USP13: variants seen among roughly 807,000 people sequenced by gnomAD.
USP13 encodes ubiquitin specific peptidase 13.
Under a neutral mutation model 107.8 loss-of-function variants are expected in USP13, and 68 were observed. The ratio of observed to expected loss-of-function variants is 0.63; its 90% CI spans 0.52 to 0.77. The LOEUF is 0.77. USP13 is among the 30% of genes least tolerant of loss of function. The probability of loss-of-function intolerance (pLI) is 0.00; values close to 1 mark genes in which losing one functional copy is unlikely to be tolerated. For synonymous variants in USP13, 377 were observed against 389.5 expected (o/e 0.97, Z 0.38); for missense variants, 945 against 1,093.3 (o/e 0.86, Z 1.91).
intron 1 of USP13, among the ~76,000 whole-genome samples, chr3:179,661,859 G>A (rs532632824): frequency 1.4e-4 from 21 of 152,282 alleles, no homozygotes; most frequent in African/African-American, 3.9e-4. Context: ...AGAAGGAGAA[G>A]CCACTTTGCT....
In USP13 at chr3:179,721,568, G is replaced by C; in HGVS notation, c.1067G>C (p.Ser356Thr). ...YLSSVMQAIF[S>T]IPEFQRAYVG... ...AGCTCTGTCATGCAGGCCATCTTCAGCATCCCAGAATTCCAGAGAGCGTAA... is the reference window on the plus strand; with the variant it reads ...AGCTCTGTCATGCAGGCCATCTTCACCATCCCAGAATTCCAGAGAGCGTAA... Residue 356 changes from serine (S) to threonine (T), a missense_variant, in exon 8 of 21, where the codon AGC (serine) becomes ACC (threonine). Transcript: ENST00000263966. The surrounding 1 kb of genome is among the most constrained non-coding windows in gnomAD (Gnocchi z 4.3). 5.6e-6 allele frequency: 9 copies of C among 1,613,652 alleles called. No individual in the cohort carries two copies. The highest frequency in any genetic ancestry group is 7.6e-6 in the Non-Finnish European group (9 of 1,179,996).
At chr3:179,748,551 C>T (rs973322914) in intron 13 of USP13, among the ~76,000 whole-genome samples, 1 of 152,110 alleles carries the variant, frequency 6.6e-6, no homozygotes, top group Non-Finnish European at 1.5e-5. Flanking sequence ...GCCTTAAGAC[C>T]CTTCTCTTAA....
At chr3:179,743,041 CA>C (rs1714257371) in intron 12 of USP13, among the ~76,000 whole-genome samples, 1 of 152,168 alleles carries the variant, frequency 6.6e-6, no homozygotes, top group Non-Finnish European at 1.5e-5. Context: ...GTGAACTAGT[CA>C]TTTTTGTAAA....
chr3:179,656,813 C>T (rs975283496), intron 1 of USP13, among the ~76,000 whole-genome samples: 13 of 152,182 alleles, frequency 8.5e-5, no homozygotes, highest in African/African-American at 3.1e-4. Flanking sequence ...TGCGACCTTC[C>T]TGGAGAGTGG....
At chr3:179,716,595 A>G (rs1713121696) in intron 6 of USP13, among the ~76,000 whole-genome samples, 1 of 152,252 alleles carries the variant, frequency 6.6e-6, no homozygotes, top group Non-Finnish European at 1.5e-5. Context: ...ACTTAACAGC[A>G]TAGTCCTAAT....
At chr3:179,757,206 C>G in intron 16 of USP13, 128 bp downstream of exon 16, 3 of 1,053,238 alleles carry the variant, frequency 2.8e-6, no homozygotes, top group Non-Finnish European at 4.3e-6. Context: ...CAGGTGGGAA[C>G]GGCTCTGTGT....
chr3:179,771,689 T>G (rs1000046939), intron 19 of USP13, among the ~76,000 whole-genome samples: 3 of 152,230 alleles, frequency 2.0e-5, no homozygotes, highest in African/African-American at 7.2e-5. Flanking sequence ...TCACACCAGG[T>G]TAACACTGAA....
At position 179,681,895 on chromosome 3, in the gene USP13, C is replaced by T. The variant is rs369204855; in HGVS notation, c.186C>T (p.Leu62=). Residue 62 remains leucine, a synonymous_variant, in exon 2 of 21, where the codon CTC becomes CTT. Transcript: ENST00000263966. ...SYDSPNSEGG[L]YVCMNTFLAF... ...TCTTCTAGAATTCTGAAGGTGGACTCTATGTATGCATGAATACATTTTTGG... is the reference window on the plus strand; with the variant it reads ...TCTTCTAGAATTCTGAAGGTGGACTTTATGTATGCATGAATACATTTTTGG... 3 of 1,613,126 alleles carry T rather than the reference C, an allele frequency of 1.9e-6. No individual in the cohort carries two copies. Among genetic ancestry groups the T allele is most frequent in the Non-Finnish European group, 2.5e-6 (3 of 1,179,540 alleles).
intron 3 of USP13, among the ~76,000 whole-genome samples, chr3:179,699,420 A>G (rs1247272224): frequency 6.6e-6 from 1 of 152,170 alleles, no homozygotes; most frequent in Non-Finnish European, 1.5e-5. Context: ...ATCTTTTATT[A>G]AAACATTGAA....
chr3:179,654,763 A>G (rs1235889806), intron 1 of USP13, among the ~76,000 whole-genome samples: 1 of 152,180 alleles, frequency 6.6e-6, no homozygotes, highest in Non-Finnish European at 1.5e-5. Flanking sequence ...CAACATTTCC[A>G]AAGTTTCCTT....
chr3:179,777,187 A>G (rs1576995485), intron 19 of USP13, among the ~76,000 whole-genome samples: 2 of 152,246 alleles, frequency 1.3e-5, no homozygotes, highest in African/African-American at 4.8e-5. Flanking sequence ...TTTTTAAACA[A>G]AGAGAGGAAA....
Position 179,708,611 on chromosome 3 carries a change from C to T in USP13, c.621-162C>T, listed in dbSNP as rs549611935. ...GGTTACAGGCGTGAACCACCACGCCCGGCCAACAATGTCTTGAGGGGAGAA... is the reference window on the plus strand; with the variant it reads ...GGTTACAGGCGTGAACCACCACGCCTGGCCAACAATGTCTTGAGGGGAGAA... On this transcript the variant is annotated intron_variant, in intron 5 of 20. Transcript: ENST00000263966. Among the ~76,000 whole-genome samples, 162 of 152,292 alleles carry T rather than the reference C, an allele frequency of 1.1e-3. 1 individual carries two copies. Among genetic ancestry groups the T allele is most frequent in the Non-Finnish European group, 7.2e-4 (49 of 68,028 alleles).
chr3:179,728,426 C>T (rs1713651395), intron 8 of USP13, among the ~76,000 whole-genome samples: 2 of 150,178 alleles, frequency 1.3e-5, no homozygotes, highest in South Asian at 2.1e-4. Context: ...GATGTGATGG[C>T]GGCCGGGAAG....
At chr3:179,694,210 A>AACTCCG (rs1437534873) in intron 3 of USP13, among the ~76,000 whole-genome samples, 2 of 151,016 alleles carry the variant, frequency 1.3e-5, no homozygotes, top group African/African-American at 4.9e-5. Flanking sequence ...CCGGGGCTCA[A>AACTCCG]GTGATCTGCC....
intron 12 of USP13, among the ~76,000 whole-genome samples, chr3:179,743,345 C>T (rs1182204412): frequency 2.0e-5 from 3 of 149,714 alleles, no homozygotes; most frequent in Non-Finnish European, 4.4e-5. Flanking sequence ...CAGACCTGCA[C>T]GTTCTACACA....
In USP13 at chr3:179,653,319, A is replaced by G; in HGVS notation, c.94A>G (p.Met32Val). The G allele has an allele frequency of 6.3e-7, 1 of 1,578,710 alleles. No homozygotes were observed. Among genetic ancestry groups the G allele is most frequent in the Non-Finnish European group, 8.6e-7 (1 of 1,162,800 alleles). Reference sequence around the variant, plus strand: ...CATCGGCGAGCTGCTAGTGCCCCACATGCCCACGATCCGCGTGCCCAGGTC... The same window carrying G: ...CATCGGCGAGCTGCTAGTGCCCCACGTGCCCACGATCCGCGTGCCCAGGTC... The part of the protein sequence containing the change: ...GDIGELLVPH[M>V]PTIRVPRSGD... Residue 32 changes from methionine (M) to valine (V), a missense_variant, in exon 1 of 21, where the codon ATG (methionine) becomes GTG (valine). By Grantham distance (21) the Met-to-Val change is conservative. Transcript: ENST00000263966. This position sits in a 1 kb window ranked among gnomAD's most constrained non-coding sequence, Gnocchi z 4.0.
intron 3 of USP13, among the ~76,000 whole-genome samples, chr3:179,693,732 G>C (rs1712188909): frequency 6.6e-6 from 1 of 152,062 alleles, no homozygotes; most frequent in African/African-American, 2.4e-5. Context: ...GGTGTGTAGT[G>C]GTGTGATGTC....
At position 179,681,913 on chromosome 3, in the gene USP13, A is replaced by T. The variant is rs749180490; in HGVS notation, c.204A>T (p.Thr68=). The change falls in exon 2 of 21, where the codon ACA becomes ACT. Residue 68 remains threonine, a synonymous_variant. Transcript: ENST00000263966. The stretch of plus-strand genomic sequence containing the variant: ...GTGGACTCTATGTATGCATGAATAC[A>T]TTTTTGGCCTTTGGAAGGGAACATG... ...SEGGLYVCMN[T]FLAFGREHVE... 1.9e-6 allele frequency: 3 copies of T among 1,613,956 alleles called. No homozygotes were observed. In the South Asian group the frequency reaches 3.3e-5, roughly 18 times the overall value.
At chr3:179,751,401 C>T (rs998281484) in intron 13 of USP13, among the ~76,000 whole-genome samples, 1 of 152,024 alleles carries the variant, frequency 6.6e-6, no homozygotes, top group Non-Finnish European at 1.5e-5. Flanking sequence ...GATTAAGTAC[C>T]GCAGTATTTT....
Sources: gnomAD v4.1 joint callset for allele counts (sites outside exome capture counted in the v4.1 genomes callset) on GRCh38, gnomAD v4.1.1 for gene constraint, Gnocchi (gnomAD v3.1) non-coding constraint, MANE v1.5 for transcripts, NCBI Gene and HGNC (gene_info 2026-07-23, HGNC 2026-07-21) for gene names.